Variants in TENM3 observed in about 807,000 individuals in gnomAD.
TENM3 encodes the protein teneurin transmembrane protein 3, also known as teneurin-3.
Under a neutral mutation model 255.1 loss-of-function variants are expected in TENM3, and 63 were observed. The ratio of observed to expected loss-of-function variants is 0.25; its 90% CI spans 0.20 to 0.30. The LOEUF (loss-of-function observed/expected upper bound fraction) is 0.30, where lower values mean the gene tolerates loss of function less well. TENM3 is among the 10% of genes least tolerant of loss of function. The probability of loss-of-function intolerance (pLI) is 1.00; values close to 1 mark genes in which losing one functional copy is unlikely to be tolerated. For missense variants in TENM3, 2,929 were observed against 3,461.1 expected, an observed-to-expected ratio of 0.85 and a Z score of 3.86; for synonymous variants, 1,306 against 1,322.3, an observed-to-expected ratio of 0.99 and a Z score of 0.27.
rs561109431 is a variant in TENM3, at chr4:182,508,737, T to A, written c.512-92187T>A. On this transcript the variant is annotated intron_variant, in intron 3 of 27. Coordinates refer to ENST00000511685, the MANE Select transcript of TENM3 (RefSeq NM_001080477.4). Reference sequence around the variant, plus strand: ...TAAATAAATGATGAAATGGGTCCTTTCTTCTTTCCTTTGAATCACAGTGAC... The same window carrying A: ...TAAATAAATGATGAAATGGGTCCTTACTTCTTTCCTTTGAATCACAGTGAC... 7.0e-4 allele frequency among the ~76,000 whole-genome samples: 107 copies of A among 152,330 alleles called. 1 individual carries two copies. Among genetic ancestry groups the A allele is most frequent in the African/African-American group, 2.5e-3 (102 of 41,574 alleles).
chr4:182,581,109 G>T (rs1209976047), intron 3 of TENM3, among the ~76,000 whole-genome samples: 5 of 152,022 alleles, frequency 3.3e-5, no homozygotes, highest in Non-Finnish European at 2.9e-5. Context: ...CATGTGTAAG[G>T]TTAAAAGAAT....
At chr4:182,645,958 G>A (rs1427936261) in intron 5 of TENM3, among the ~76,000 whole-genome samples, 1 of 152,164 alleles carries the variant, frequency 6.6e-6, no homozygotes, top group African/African-American at 2.4e-5. Flanking sequence ...CATCTCAGAG[G>A]CTACCTACTA....
the TENM3 span, among the ~76,000 whole-genome samples, chr4:181,621,451 A>C: frequency 4.6e-5 from 7 of 152,268 alleles, no homozygotes; most frequent in Admixed American, 3.3e-4. Flanking sequence ...CCATATTTTA[A>C]TGCTATAATA....
the TENM3 span, among the ~76,000 whole-genome samples, chr4:181,846,162 T>G: frequency 6.6e-6 from 1 of 152,194 alleles, no homozygotes; most frequent in Non-Finnish European, 1.5e-5. Context: ...TGAATATCTT[T>G]AAAACATTAG....
the TENM3 span, among the ~76,000 whole-genome samples, chr4:181,907,022 G>A: frequency 2.0e-5 from 3 of 152,048 alleles, no homozygotes; most frequent in Non-Finnish European, 2.9e-5. Flanking sequence ...GTGATTACAG[G>A]CACCCACCAC....
intron 3 of TENM3, among the ~76,000 whole-genome samples, chr4:182,386,898 C>G (rs1269506700): frequency 1.3e-5 from 2 of 152,230 alleles, no homozygotes; most frequent in African/African-American, 4.8e-5. Flanking sequence ...TTCCACGGCG[C>G]CCAGTCCCAT....
chr4:181,492,569 A>C, the TENM3 span, among the ~76,000 whole-genome samples: 1 of 152,194 alleles, frequency 6.6e-6, no homozygotes, highest in Non-Finnish European at 1.5e-5. Flanking sequence ...AATATTAGTA[A>C]ACATCCTTGG....
intron 25 of TENM3, among the ~76,000 whole-genome samples, chr4:182,791,024 T>G (rs1766066045): frequency 6.6e-6 from 1 of 152,178 alleles, no homozygotes; most frequent in Admixed American, 6.5e-5. Context: ...CTGGGATAGG[T>G]GCACTAAGCC....
intron 2 of TENM3, among the ~76,000 whole-genome samples, chr4:182,343,874 A>G (rs1005490532): frequency 2.0e-5 from 3 of 152,172 alleles, no homozygotes; most frequent in Non-Finnish European, 4.4e-5. Flanking sequence ...TTTCTTAACC[A>G]CTGAGGAGAA....
At chr4:181,802,156 G>C in the TENM3 span, among the ~76,000 whole-genome samples, 1 of 152,162 alleles carries the variant, frequency 6.6e-6, no homozygotes, top group Non-Finnish European at 1.5e-5. Flanking sequence ...TCAAGGCACA[G>C]CTTCATCCCA....
the TENM3 span, among the ~76,000 whole-genome samples, chr4:181,873,270 T>C: frequency 6.6e-6 from 1 of 152,124 alleles, no homozygotes; most frequent in Non-Finnish European, 1.5e-5. Flanking sequence ...GGTTTTACCA[T>C]GTTGGCCAGG....
At chr4:181,866,350 A>G in the TENM3 span, among the ~76,000 whole-genome samples, 2,414 of 152,334 alleles carry the variant, frequency 0.016, 30 homozygotes, top group Non-Finnish European at 0.025. Context: ...TGGACTAAAC[A>G]ACCAAACCAA....
chr4:182,140,804 C>T (rs1273710538), upstream of TENM3, among the ~76,000 whole-genome samples: 1 of 152,188 alleles, frequency 6.6e-6, no homozygotes, highest in Non-Finnish European at 1.5e-5. Flanking sequence ...AGGGAAGGCG[C>T]ATGTGATGCT....
At chr4:182,772,412 C>T (rs1662575905) in intron 22 of TENM3, among the ~76,000 whole-genome samples, 1 of 152,178 alleles carries the variant, frequency 6.6e-6, no homozygotes, top group Non-Finnish European at 1.5e-5. Flanking sequence ...TCTGGGCTTA[C>T]TTCAAGTAGG....
At chr4:181,699,588 A>T in the TENM3 span, among the ~76,000 whole-genome samples, 2 of 152,090 alleles carry the variant, frequency 1.3e-5, no homozygotes, top group Non-Finnish European at 2.9e-5. Context: ...TACAAAATAT[A>T]ATTTCCTTTA....
At chr4:181,875,534 C>T in the TENM3 span, among the ~76,000 whole-genome samples, 1 of 151,738 alleles carries the variant, frequency 6.6e-6, no homozygotes, top group Non-Finnish European at 1.5e-5. Context: ...ATAAACTGCA[C>T]AACACAAACC....
intron 13 of TENM3, among the ~76,000 whole-genome samples, chr4:182,725,696 C>T (rs1212247890): frequency 7.1e-6 from 1 of 141,180 alleles, no homozygotes; most frequent in African/African-American, 2.7e-5. Flanking sequence ...AGTGCAGTGG[C>T]GCGATCTCGG....
At chr4:181,488,155 C>A in the TENM3 span, among the ~76,000 whole-genome samples, 7 of 152,270 alleles carry the variant, frequency 4.6e-5, no homozygotes, top group East Asian at 1.4e-3. Flanking sequence ...TCTCTGAGAT[C>A]TGTTTCCCTG....
the TENM3 span, among the ~76,000 whole-genome samples, chr4:181,763,656 A>G: frequency 3.9e-5 from 6 of 152,198 alleles, no homozygotes; most frequent in African/African-American, 1.4e-4. Context: ...AGTAATCACA[A>G]CAGACACTGT....
Sources: gnomAD v4.1 joint callset for allele counts (sites outside exome capture counted in the v4.1 genomes callset) on GRCh38, gnomAD v4.1.1 for gene constraint, MANE v1.5 for transcripts, NCBI Gene and HGNC (gene_info 2026-07-23, HGNC 2026-07-21) for gene names.